SLC8A3: variants seen among roughly 807,000 people sequenced by gnomAD.
SLC8A3 encodes the protein solute carrier family 8 member A3.
A neutral mutation model predicts 65.4 loss-of-function variants in SLC8A3; 37 were observed. That is an observed-to-expected ratio of 0.57 (90% CI 0.44 to 0.74). The LOEUF (loss-of-function observed/expected upper bound fraction) is 0.74, where lower values mean the gene tolerates loss of function less well. Among genes scored for constraint, SLC8A3 ranks in the 30% least tolerant of loss-of-function variants. The probability of loss-of-function intolerance (pLI) is 0.00; values close to 1 mark genes in which losing one functional copy is unlikely to be tolerated. For missense variants in SLC8A3, 1,112 were observed against 1,172.1 expected (o/e 0.95, Z 0.75); for synonymous variants, 461 against 444.5 (o/e 1.04, Z -0.47).
intron 2 of SLC8A3, among the ~76,000 whole-genome samples, chr14:70,159,976 G>A (rs149646634): frequency 6.6e-5 from 10 of 152,092 alleles, no homozygotes; most frequent in African/African-American, 2.2e-4. Flanking sequence ...TCCACCAACC[G>A]CAGGTTCCAC....
In SLC8A3 at chr14:70,152,659, A is replaced by T. The variant is rs150503200; in HGVS notation, c.1784+13980T>A. Among the ~76,000 whole-genome samples the T allele has an allele frequency of 2.2e-3, 342 of 152,270 alleles. 1 individual carries two copies. Among genetic ancestry groups the T allele is most frequent in the South Asian group, 9.5e-3 (46 of 4,828 alleles). On this transcript the variant is annotated intron_variant, in intron 2 of 6. Coordinates refer to ENST00000356921, the MANE Select transcript of SLC8A3 (RefSeq NM_182932.3). ...AAAAATCCTGGGCAGACAGATCTGT[A>T]TGGCAAAGAGCAGTGCAGGACCAAG...
chr14:70,157,046 G>A (rs770928368), intron 2 of SLC8A3, among the ~76,000 whole-genome samples: 6 of 152,222 alleles, frequency 3.9e-5, no homozygotes, highest in Non-Finnish European at 7.3e-5. Context: ...AATGTTTTCT[G>A]TTGATCTGAG....
At chr14:70,154,403 A>C (rs1490400113) in intron 2 of SLC8A3, among the ~76,000 whole-genome samples, 4 of 152,244 alleles carry the variant, frequency 2.6e-5, no homozygotes, top group Non-Finnish European at 5.9e-5. Context: ...CGTCAGTCTC[A>C]CTTCCCAAAA....
chr14:70,051,894 C>T, intron 4 of SLC8A3, 96 bp downstream of exon 4: 1 of 996,654 alleles, frequency 1.0e-6, no homozygotes, highest in Non-Finnish European at 1.5e-6. Flanking sequence ...TTCAACTTCA[C>T]ATATTCACTA....
intron 6 of SLC8A3, chr14:70,048,446 G>A (rs149189626): frequency 6.2e-4 from 367 of 595,006 alleles, no homozygotes; most frequent in African/African-American, 6.0e-3. Flanking sequence ...AACCTCTGTG[G>A]GCCTCAGTTT....
intron 2 of SLC8A3, among the ~76,000 whole-genome samples, chr14:70,158,821 C>T (rs1457456106): frequency 6.6e-6 from 1 of 152,166 alleles, no homozygotes; most frequent in Non-Finnish European, 1.5e-5. Flanking sequence ...TTACTTGGGT[C>T]CCCAGTAAGT....
intron 2 of SLC8A3, among the ~76,000 whole-genome samples, chr14:70,088,627 G>A (rs1891609045): frequency 6.6e-6 from 1 of 152,070 alleles, no homozygotes; most frequent in Admixed American, 6.5e-5. Context: ...CCTTTTAATA[G>A]CCTCAACCTT....
intron 2 of SLC8A3, among the ~76,000 whole-genome samples, chr14:70,136,008 C>T (rs80133768): frequency 0.038 from 5,804 of 151,516 alleles, 365 homozygotes; most frequent in African/African-American, 0.13. Flanking sequence ...CTCATGTACC[C>T]CAAAACTATG....
chr14:70,081,400 G>T (rs1242090762), intron 2 of SLC8A3, among the ~76,000 whole-genome samples: 2 of 152,184 alleles, frequency 1.3e-5, no homozygotes, highest in East Asian at 3.8e-4. Flanking sequence ...TCAGAAAATT[G>T]GGAGATGGAA....
At chr14:70,096,254 C>G (rs1033176262) in intron 2 of SLC8A3, among the ~76,000 whole-genome samples, 1 of 152,056 alleles carries the variant, frequency 6.6e-6, no homozygotes, top group Non-Finnish European at 1.5e-5. Context: ...TTCTTATAAC[C>G]AAAAGAGAGT....
At chr14:70,057,438 G>A (rs760848788) in intron 3 of SLC8A3, among the ~76,000 whole-genome samples, 6 of 152,150 alleles carry the variant, frequency 3.9e-5, no homozygotes, top group Non-Finnish European at 8.8e-5. Flanking sequence ...ATGAACACAG[G>A]TGGGTCAGAC....
At chr14:70,138,908 A>G (rs1211498217) in intron 2 of SLC8A3, among the ~76,000 whole-genome samples, 1 of 152,244 alleles carries the variant, frequency 6.6e-6, no homozygotes, top group Non-Finnish European at 1.5e-5. Context: ...TAGGCTTCGC[A>G]TTGGCTATCA....
At chr14:70,111,925 A>G (rs2140147440) in intron 2 of SLC8A3, among the ~76,000 whole-genome samples, 1 of 152,348 alleles carries the variant, frequency 6.6e-6, no homozygotes, top group African/African-American at 2.4e-5. Context: ...CAGCAATGCC[A>G]GGGAACCTGA....
intron 2 of SLC8A3, among the ~76,000 whole-genome samples, chr14:70,165,092 A>G (rs1354782645): frequency 6.6e-6 from 1 of 152,248 alleles, no homozygotes; most frequent in East Asian, 1.9e-4. Context: ...TCTATGGTTC[A>G]GAAAATCTTA....
intron 1 of SLC8A3, among the ~76,000 whole-genome samples, chr14:70,178,958 C>G (rs966235975): frequency 5.3e-5 from 8 of 152,276 alleles, no homozygotes; most frequent in African/African-American, 1.4e-4. Context: ...CACCCCACCC[C>G]CTACTGACTT....
chr14:70,141,390 G>C (rs1196442951), intron 2 of SLC8A3, among the ~76,000 whole-genome samples: 1 of 152,216 alleles, frequency 6.6e-6, no homozygotes, highest in African/African-American at 2.4e-5. Flanking sequence ...CTCACAGCTA[G>C]CACATGAAAG....
At chr14:70,089,749 T>C (rs1410581573) in intron 2 of SLC8A3, among the ~76,000 whole-genome samples, 1 of 152,234 alleles carries the variant, frequency 6.6e-6, no homozygotes, top group Non-Finnish European at 1.5e-5. Flanking sequence ...TTCCGTTTGC[T>C]GTTTTCATGC....
chr14:70,077,193 T>G (rs531153748), intron 2 of SLC8A3, among the ~76,000 whole-genome samples: 4 of 152,306 alleles, frequency 2.6e-5, no homozygotes, highest in African/African-American at 7.2e-5. Context: ...GTGAGAAGTT[T>G]GGCAGGTGCT....
chr14:70,048,914 C>T lies in SLC8A3; in HGVS notation c.2242G>A (p.Gly748Ser), dbSNP rs778865596. ...ATGGAGACGGCGAAGCAGGCCCAGC[C>T]GTGGCAGTACTCTGTGGGGGGCACA... ...ACVPPTEYCH[G>S]WACFAVSILI... The change falls in exon 6 of 7, where the codon GGC becomes AGC. Residue 748 changes from glycine (G) to serine (S), a missense_variant. By Grantham distance (56) the Gly-to-Ser change is moderately conservative. Transcript: ENST00000356921. 5.6e-6 allele frequency: 9 copies of T among 1,614,040 alleles called. No homozygotes were observed. Among genetic ancestry groups the T allele is most frequent in the Non-Finnish European group, 7.6e-6 (9 of 1,180,046 alleles).
Sources: allele counts gnomAD v4.1 joint callset (sites outside exome capture counted in the v4.1 genomes callset), GRCh38; gene constraint gnomAD v4.1.1; transcripts MANE v1.5; gene names NCBI Gene and HGNC (gene_info 2026-07-23, HGNC 2026-07-21).